CIRSR: variants seen among roughly 807,000 people sequenced by gnomAD.
CIRSR encodes corepressor of RBPJ and splicing regulator, also known as CBF1 (RBPJ) interacting corepressor 1.
the CIRSR span, among the ~76,000 whole-genome samples, chr2:174,393,816 T>C: frequency 6.6e-6 from 1 of 152,130 alleles, no homozygotes; most frequent in African/African-American, 2.4e-5. Flanking sequence ...ACTATAAACA[T>C]ATCCATCACC....
At chr2:174,367,098 T>C in the CIRSR span, among the ~76,000 whole-genome samples, 1 of 152,054 alleles carries the variant, frequency 6.6e-6, no homozygotes, top group Non-Finnish European at 1.5e-5. Flanking sequence ...ATAGTAGATA[T>C]TAATCCAACT....
At chr2:174,349,218 A>ATGAAATAACTGTT in the CIRSR span, 1 of 986,228 alleles carries the variant, frequency 1.0e-6, no homozygotes, top group Non-Finnish European at 1.4e-6. Context: ...AAAAACAGTT[A>ATGAAATAACTGTT]TTTCATCAAC....
chr2:174,369,895 T>G, the CIRSR span: 1 of 1,269,566 alleles, frequency 7.9e-7, no homozygotes, highest in Non-Finnish European at 1.0e-6. Context: ...GTTTGAATTA[T>G]TGCAATAATT....
At chr2:174,387,812 T>G in the CIRSR span, 1 of 1,522,626 alleles carries the variant, frequency 6.6e-7, no homozygotes, top group Non-Finnish European at 8.9e-7. Flanking sequence ...CAAATTAAAT[T>G]GTTGGATTTA....
At chr2:174,367,331 G>A in the CIRSR span, among the ~76,000 whole-genome samples, 2 of 152,122 alleles carry the variant, frequency 1.3e-5, no homozygotes, top group Non-Finnish European at 2.9e-5. Context: ...TGTATTCCCA[G>A]CACTTTGGGA....
the CIRSR span, among the ~76,000 whole-genome samples, chr2:174,352,559 A>G: frequency 1.6e-4 from 25 of 152,338 alleles, no homozygotes; most frequent in East Asian, 1.9e-3. Flanking sequence ...CTTGGCCAAC[A>G]TGGCAAAACC....
At chr2:174,371,248 TC>T in the CIRSR span, among the ~76,000 whole-genome samples, 1 of 152,222 alleles carries the variant, frequency 6.6e-6, no homozygotes. Context: ...ATTGTATGCT[TC>T]AAATAGGTAA....
At chr2:174,368,303 A>G in the CIRSR span, among the ~76,000 whole-genome samples, 1 of 152,218 alleles carries the variant, frequency 6.6e-6, no homozygotes, top group Non-Finnish European at 1.5e-5. Context: ...ACATTCACCA[A>G]ATAGACCACA....
At chr2:174,382,155 C>T in the CIRSR span, among the ~76,000 whole-genome samples, 1 of 152,264 alleles carries the variant, frequency 6.6e-6, no homozygotes, top group South Asian at 2.1e-4. Flanking sequence ...ATAGTGCCAA[C>T]ACTTTTTCTT....
At chr2:174,384,948 G>A in the CIRSR span, among the ~76,000 whole-genome samples, 2 of 152,070 alleles carry the variant, frequency 1.3e-5, no homozygotes, top group Non-Finnish European at 2.9e-5. Context: ...GGCGGCTCAT[G>A]CCTGTAATCC....
At chr2:174,386,959 A>T in the CIRSR span, among the ~76,000 whole-genome samples, 3 of 152,322 alleles carry the variant, frequency 2.0e-5, no homozygotes, top group South Asian at 6.2e-4. Flanking sequence ...TCCCTATAAT[A>T]CCACTTATTG....
the CIRSR span, among the ~76,000 whole-genome samples, chr2:174,386,085 C>T: frequency 1.3e-5 from 2 of 152,160 alleles, no homozygotes; most frequent in Non-Finnish European, 2.9e-5. Flanking sequence ...TTCACCTCCA[C>T]TCTGTTTTTA....
At chr2:174,389,856 G>A in the CIRSR span, among the ~76,000 whole-genome samples, 1 of 152,152 alleles carries the variant, frequency 6.6e-6, no homozygotes, top group Non-Finnish European at 1.5e-5. Flanking sequence ...CCCAAACCTT[G>A]GCAGCTTCCA....
chr2:174,359,704 T>C, the CIRSR span, among the ~76,000 whole-genome samples: 5 of 152,262 alleles, frequency 3.3e-5, no homozygotes, highest in South Asian at 1.0e-3. Context: ...GCGATTCCAT[T>C]ACTGGGTATA....
chr2:174,392,648 G>A, the CIRSR span, among the ~76,000 whole-genome samples: 1 of 152,160 alleles, frequency 6.6e-6, no homozygotes, highest in Non-Finnish European at 1.5e-5. Flanking sequence ...TTCAGTGATT[G>A]ACTAGATAAA....
At chr2:174,382,174 G>A in the CIRSR span, among the ~76,000 whole-genome samples, 1 of 152,110 alleles carries the variant, frequency 6.6e-6, no homozygotes, top group Admixed American at 6.5e-5. Flanking sequence ...TTGATTGTAA[G>A]GGATCAAACG....
At chr2:174,382,985 G>A in the CIRSR span, among the ~76,000 whole-genome samples, 1 of 152,048 alleles carries the variant, frequency 6.6e-6, no homozygotes, top group African/African-American at 2.4e-5. Context: ...ATTCTATAAA[G>A]ACCTGTAAAA....
the CIRSR span, chr2:174,378,855 TA>T: frequency 8.7e-7 from 1 of 1,153,422 alleles, no homozygotes; most frequent in Non-Finnish European, 1.3e-6. Context: ...CCAGAAAGAG[TA>T]AAGAAAAATG....
the CIRSR span, chr2:174,387,732 T>C: frequency 6.3e-7 from 1 of 1,598,786 alleles, no homozygotes; most frequent in Non-Finnish European, 8.5e-7. Flanking sequence ...GCATCAATTC[T>C]TCTTGTTTCT....
Sources: gnomAD v4.1 joint callset for allele counts (sites outside exome capture counted in the v4.1 genomes callset) on GRCh38, gnomAD v4.1.1 for gene constraint, MANE v1.5 for transcripts, NCBI Gene and HGNC (gene_info 2026-07-23, HGNC 2026-07-21) for gene names.